PTPRM: variants seen among roughly 807,000 people sequenced by gnomAD.
The protein encoded by PTPRM is protein tyrosine phosphatase receptor type M.
A neutral mutation model predicts 186.7 loss-of-function variants in PTPRM; 47 were observed. The observed-to-expected ratio is 0.25, with a 90% CI of 0.20 to 0.32. PTPRM has a LOEUF of 0.32. Among genes scored for constraint, PTPRM ranks in the 10% least tolerant of loss-of-function variants. The pLI is 1.00. For missense variants in PTPRM, 1,494 were observed against 1,865.0 expected (o/e 0.80, Z 3.66); for synonymous variants, 668 against 674.9 (o/e 0.99, Z 0.16).
At chr18:8,124,642 G>T (rs527719428) in intron 13 of PTPRM, among the ~76,000 whole-genome samples, 27 of 152,164 alleles carry the variant, frequency 1.8e-4, no homozygotes, top group Non-Finnish European at 2.8e-4. Flanking sequence ...AAAGACAGCA[G>T]TTTTATAACT....
At chr18:7,737,016 C>T (rs915894021) in intron 1 of PTPRM, among the ~76,000 whole-genome samples, 2 of 152,236 alleles carry the variant, frequency 1.3e-5, no homozygotes, top group Non-Finnish European at 2.9e-5. Flanking sequence ...GTTTGCCAGG[C>T]TGGTCTCGAA....
intron 1 of PTPRM, among the ~76,000 whole-genome samples, chr18:7,759,161 C>T (rs2041651512): frequency 6.6e-6 from 1 of 152,174 alleles, no homozygotes; most frequent in Non-Finnish European, 1.5e-5. Context: ...TGAAGGGTTA[C>T]TATTTCTTAA....
At chr18:7,826,872 T>C (rs780728402) in intron 2 of PTPRM, among the ~76,000 whole-genome samples, 3 of 152,200 alleles carry the variant, frequency 2.0e-5, no homozygotes, top group African/African-American at 2.4e-5. Context: ...GACAGGCAGA[T>C]TGGTTGAGGC....
intron 11 of PTPRM, among the ~76,000 whole-genome samples, chr18:8,106,599 G>A (rs1455517460): frequency 6.6e-6 from 1 of 152,202 alleles, no homozygotes; most frequent in Non-Finnish European, 1.5e-5. Context: ...GCTTTTCAAG[G>A]ACGGGGCAGT....
At chr18:8,155,236 T>A (rs958471563) in intron 14 of PTPRM, among the ~76,000 whole-genome samples, 4 of 152,208 alleles carry the variant, frequency 2.6e-5, no homozygotes, top group Non-Finnish European at 5.9e-5. Flanking sequence ...TTGACAGAAC[T>A]TAGTATGTAA....
intron 22 of PTPRM, among the ~76,000 whole-genome samples, chr18:8,321,269 T>C (rs1692938074): frequency 6.6e-6 from 1 of 152,208 alleles, no homozygotes; most frequent in African/African-American, 2.4e-5. Context: ...TTTTCATAGA[T>C]AACAAGAACA....
intron 23 of PTPRM, chr18:8,360,901 T>C (rs1015648556): frequency 2.3e-4 from 35 of 152,246 alleles, no homozygotes; most frequent in African/African-American, 8.4e-4. Context: ...TCTTTTCTGA[T>C]GTTGTAGAGT....
At chr18:8,052,346 C>T (rs1208874610) in intron 7 of PTPRM, among the ~76,000 whole-genome samples, 1 of 152,180 alleles carries the variant, frequency 6.6e-6, no homozygotes, top group Non-Finnish European at 1.5e-5. Flanking sequence ...CAACCGCAGA[C>T]CACATATACC....
chr18:7,882,945 C>A (rs1363549682), intron 2 of PTPRM, among the ~76,000 whole-genome samples: 1 of 152,192 alleles, frequency 6.6e-6, no homozygotes, highest in African/African-American at 2.4e-5. Flanking sequence ...AAATTTAATT[C>A]ACCCAGAGAT....
chr18:7,580,570 C>G (rs372193232), intron 1 of PTPRM, among the ~76,000 whole-genome samples: 2 of 152,120 alleles, frequency 1.3e-5, no homozygotes, highest in East Asian at 1.9e-4. Flanking sequence ...AGGGGCTTAG[C>G]ATTGATAGTC....
rs557766971 is a variant in PTPRM at position 8,372,056 on chromosome 18, CTTT to C, written c.3171+1074_3171+1076del. Among the ~76,000 whole-genome samples the C allele has an allele frequency of 8.0e-4, 47 of 59,058 alleles. 2 individuals carry two copies. The highest frequency in any genetic ancestry group is 2.6e-3 in the East Asian group (5 of 1,894). The allele number at this position is 59,058 out of a possible 152,430, so 38.7% of individuals were successfully genotyped here. ...TTGGCCTTCCTCTCCACTCTATATT[CTTT>C]TTTTTTTTTTTTTTTTTTTTTTTAA... On this transcript the variant is annotated intron_variant, in intron 24 of 32. Transcript: ENST00000580170.
intron 13 of PTPRM, among the ~76,000 whole-genome samples, chr18:8,140,446 TG>T (rs1335511648): frequency 2.2e-3 from 7 of 3,156 alleles, no homozygotes; most frequent in East Asian, 0.5. Flanking sequence ...TGAGTTTTTT[TG>T]TTTGTTTGTT....
At chr18:7,770,686 C>T (rs972702827) in intron 1 of PTPRM, among the ~76,000 whole-genome samples, 1 of 152,222 alleles carries the variant, frequency 6.6e-6, no homozygotes, top group Non-Finnish European at 1.5e-5. Flanking sequence ...GTGTGTTTGA[C>T]TCAGAACCTA....
intron 23 of PTPRM, among the ~76,000 whole-genome samples, chr18:8,348,322 A>C (rs991017004): frequency 2.0e-5 from 3 of 152,252 alleles, no homozygotes; most frequent in Non-Finnish European, 2.9e-5. Context: ...TGGAGCCGCC[A>C]GGAGACCTTT....
chr18:8,322,609 A>T (rs926229840), intron 22 of PTPRM, among the ~76,000 whole-genome samples: 5 of 152,194 alleles, frequency 3.3e-5, no homozygotes, highest in African/African-American at 1.2e-4. Context: ...CAGAGTGAAG[A>T]TTTCAAAAGC....
chr18:8,279,261 G>T (rs145786997), intron 19 of PTPRM, among the ~76,000 whole-genome samples: 30 of 152,206 alleles, frequency 2.0e-4, no homozygotes, highest in African/African-American at 7.2e-4. Context: ...CCATGGTGAG[G>T]AACGTGAAAT....
intron 11 of PTPRM, among the ~76,000 whole-genome samples, chr18:8,089,301 A>G (rs990085049): frequency 1.3e-5 from 2 of 152,188 alleles, no homozygotes; most frequent in African/African-American, 2.4e-5. Flanking sequence ...TATGAGATGT[A>G]TAGTTTTTTG....
intron 1 of PTPRM, among the ~76,000 whole-genome samples, chr18:7,710,797 C>A (rs1406863903): frequency 1.3e-5 from 2 of 151,424 alleles, no homozygotes; most frequent in South Asian, 4.2e-4. Flanking sequence ...CCTTTTACAG[C>A]AGCTACCAAT....
intron 14 of PTPRM, among the ~76,000 whole-genome samples, chr18:8,241,053 C>T (rs567569681): frequency 4.6e-5 from 7 of 152,268 alleles, no homozygotes; most frequent in African/African-American, 1.2e-4. Flanking sequence ...GGTGGCCAGG[C>T]GCAGTGGCTC....
Sources: gnomAD v4.1 joint callset for allele counts (sites outside exome capture counted in the v4.1 genomes callset) on GRCh38, gnomAD v4.1.1 for gene constraint, MANE v1.5 for transcripts, NCBI Gene and HGNC (gene_info 2026-07-23, HGNC 2026-07-21) for gene names.